The following CCDC3 variants were observed in gnomAD, a reference collection of about 807,000 sequenced individuals.
The protein encoded by CCDC3 is coiled-coil domain-containing protein 3.
A neutral mutation model predicts 21.4 loss-of-function variants in CCDC3; 24 were observed. The ratio of observed to expected loss-of-function variants is 1.12; its 90% CI spans 0.81 to 1.58. CCDC3 has a LOEUF of 1.58. Among genes scored for constraint, CCDC3 ranks in the 40% most tolerant of loss-of-function variants. The pLI, the probability that CCDC3 is intolerant of heterozygous loss-of-function variation, is 0.00. For synonymous variants in CCDC3, 186 were observed against 166.0 expected, an observed-to-expected ratio of 1.12 and a Z score of -0.93; for missense variants, 425 against 360.9, an observed-to-expected ratio of 1.18 and a Z score of -1.44.
At chr10:12,943,749 A>G (rs1432025548) in intron 2 of CCDC3, among the ~76,000 whole-genome samples, 1 of 152,198 alleles carries the variant, frequency 6.6e-6, no homozygotes, top group African/African-American at 2.4e-5. Context: ...AAGCTTGTCT[A>G]TAAAACTCTG....
chr10:12,944,869 T>C (rs1004502329), intron 2 of CCDC3, among the ~76,000 whole-genome samples: 6 of 152,212 alleles, frequency 3.9e-5, no homozygotes, highest in Admixed American at 2.6e-4. Flanking sequence ...ATGAATTAGA[T>C]GTAGGAAAAA....
At chr10:13,025,076 T>C (rs1836197231) in intron 5 of CCDC3, among the ~76,000 whole-genome samples, 1 of 152,208 alleles carries the variant, frequency 6.6e-6, no homozygotes, top group Admixed American at 6.5e-5. Flanking sequence ...TAATAATTTC[T>C]TATTACTTCT....
chr10:13,061,988 C>T (rs141920935), intron 4 of CCDC3, among the ~76,000 whole-genome samples: 2 of 138,166 alleles, frequency 1.4e-5, no homozygotes, highest in African/African-American at 5.6e-5. Context: ...CCAGAAAGGA[C>T]AGTTTTACAG....
chr10:12,974,847 G>T (rs1223560033), intron 2 of CCDC3, among the ~76,000 whole-genome samples: 1 of 152,182 alleles, frequency 6.6e-6, no homozygotes, highest in African/African-American at 2.4e-5. Flanking sequence ...AGTCTCCCCA[G>T]TGATATATTC....
intron 2 of CCDC3, among the ~76,000 whole-genome samples, chr10:12,907,935 G>T (rs1224866908): frequency 6.6e-6 from 1 of 152,202 alleles, no homozygotes; most frequent in Non-Finnish European, 1.5e-5. Context: ...CTGGGGCCAG[G>T]GCCAGCCCTG....
chr10:12,929,440 T>G (rs775518257), intron 2 of CCDC3, among the ~76,000 whole-genome samples: 52 of 152,160 alleles, frequency 3.4e-4, no homozygotes, highest in Non-Finnish European at 8.8e-5. Flanking sequence ...AAGCAGCTTG[T>G]GAGCACTTAG....
At position 13,055,626 on chromosome 10, in the gene CCDC3, GA is replaced by G. The variant is rs1836671842; in HGVS notation, c.-269-5686del. ...AGGCAGAATCCACCTCTTGATGCAAGAGAAACGTGTGTACAGGGAGGTGAGA... is the reference window on the plus strand; with the variant it reads ...AGGCAGAATCCACCTCTTGATGCAAGGAAACGTGTGTACAGGGAGGTGAGA... On this transcript the variant is annotated intron_variant, in intron 4 of 6. Transcript: ENST00000378839. Among the ~76,000 whole-genome samples, 3 of 152,142 alleles carry G rather than the reference GA, an allele frequency of 2.0e-5. No individual in the cohort carries two copies. In the East Asian group the frequency reaches 5.8e-4, roughly 29 times the overall value.
At chr10:13,000,732 C>G (rs781568450) in intron 1 of CCDC3, among the ~76,000 whole-genome samples, 1 of 152,192 alleles carries the variant, frequency 6.6e-6, no homozygotes, top group Admixed American at 6.5e-5. Flanking sequence ...AGCCCTGTCT[C>G]TCACTTTACA....
At chr10:12,919,361 C>T (rs561255896) in intron 2 of CCDC3, among the ~76,000 whole-genome samples, 10 of 152,094 alleles carry the variant, frequency 6.6e-5, no homozygotes, top group Non-Finnish European at 8.8e-5. Flanking sequence ...AGGCTGAGGC[C>T]GGCGGATCAC....
At chr10:12,960,950 G>T (rs948121537) in intron 2 of CCDC3, among the ~76,000 whole-genome samples, 5 of 152,172 alleles carry the variant, frequency 3.3e-5, no homozygotes, top group African/African-American at 1.2e-4. Flanking sequence ...TGCAGTCTGG[G>T]TTGGTATTCC....
intron 4 of CCDC3, among the ~76,000 whole-genome samples, chr10:13,054,147 T>C: frequency 1.9e-5 from 2 of 103,990 alleles, no homozygotes; most frequent in African/African-American, 3.4e-5. Context: ...AGAGAGAGAC[T>C]CTGTATCAAA....
intron 3 of CCDC3, among the ~76,000 whole-genome samples, chr10:13,079,188 T>A (rs7083284): frequency 0.75 from 113,426 of 152,078 alleles, 42,623 homozygotes; most frequent in Middle Eastern, 0.83. Flanking sequence ...TGAATAAACA[T>A]TTTACATATA....
intron 2 of CCDC3, among the ~76,000 whole-genome samples, chr10:12,997,811 T>C (rs1835785210): frequency 6.6e-6 from 1 of 152,218 alleles, no homozygotes; most frequent in African/African-American, 2.4e-5. Flanking sequence ...CATATTGCAT[T>C]AGCCCTCTGA....
upstream of CCDC3, chr10:13,001,723 T>C: frequency 4.9e-6 from 2 of 408,206 alleles, no homozygotes; most frequent in South Asian, 1.0e-4. Flanking sequence ...TGCCCGGCCC[T>C]GGCGCGCCAC....
chr10:13,016,749 G>A (rs374919137), intron 5 of CCDC3, among the ~76,000 whole-genome samples: 3 of 152,088 alleles, frequency 2.0e-5, no homozygotes, highest in East Asian at 3.9e-4. Context: ...GTTGGAATCC[G>A]GTTCTATAAA....
chr10:12,957,790 A>AGT (rs973869723), intron 2 of CCDC3, among the ~76,000 whole-genome samples: 4 of 152,212 alleles, frequency 2.6e-5, no homozygotes, highest in African/African-American at 9.7e-5. Flanking sequence ...TGCCAGCACC[A>AGT]TACTTCCTCA....
At chr10:12,969,225 C>T (rs1835304660) in intron 2 of CCDC3, among the ~76,000 whole-genome samples, 1 of 152,014 alleles carries the variant, frequency 6.6e-6, no homozygotes, top group Non-Finnish European at 1.5e-5. Flanking sequence ...CACGAATCAT[C>T]AGGGAAAAGG....
At chr10:12,970,195 T>C (rs996160128) in intron 2 of CCDC3, among the ~76,000 whole-genome samples, 2 of 152,130 alleles carry the variant, frequency 1.3e-5, no homozygotes, top group African/African-American at 4.8e-5. Context: ...GGGGAGATGT[T>C]GGTCACAGAC....
At chr10:13,083,627 C>G (rs1837068843) in intron 3 of CCDC3, among the ~76,000 whole-genome samples, 1 of 152,262 alleles carries the variant, frequency 6.6e-6, no homozygotes, top group Non-Finnish European at 1.5e-5. Context: ...CATGTCCCAG[C>G]TCACAGCCTA....
Sources: allele counts gnomAD v4.1 joint callset (sites outside exome capture counted in the v4.1 genomes callset), GRCh38; gene constraint gnomAD v4.1.1; transcripts MANE v1.5; gene names NCBI Gene and HGNC (gene_info 2026-07-23, HGNC 2026-07-21).